Variants in GRM7 observed in about 807,000 individuals in gnomAD.
GRM7 encodes glutamate metabotropic receptor 7, also known as metabotropic glutamate receptor 7.
GRM7 carries 35 observed loss-of-function variants against 84.5 expected under a neutral mutation model. That is an observed-to-expected ratio of 0.41 (90% CI 0.32 to 0.55). The LOEUF (loss-of-function observed/expected upper bound fraction) is 0.55, where lower values mean the gene tolerates loss of function less well. Among genes scored for constraint, GRM7 ranks in the 20% least tolerant of loss-of-function variants. The pLI is 0.19. For missense variants in GRM7, 1,003 were observed against 1,194.6 expected, an observed-to-expected ratio of 0.84 and a Z score of 2.36; for synonymous variants, 487 against 455.1, an observed-to-expected ratio of 1.07 and a Z score of -0.89.
intron 4 of GRM7, among the ~76,000 whole-genome samples, chr3:7,317,289 C>T (rs1700617681): frequency 7.3e-6 from 1 of 137,868 alleles, no homozygotes. Context: ...ATGAGCATAC[C>T]ACAGACCTTA....
At chr3:7,283,663 C>T (rs930016429) in intron 2 of GRM7, among the ~76,000 whole-genome samples, 2 of 152,042 alleles carry the variant, frequency 1.3e-5, no homozygotes, top group Admixed American at 1.3e-4. Context: ...TTATACAGCA[C>T]AAAAATACTT....
At chr3:7,627,409 G>C (rs77569741) in intron 8 of GRM7, among the ~76,000 whole-genome samples, 576 of 152,130 alleles carry the variant, frequency 3.8e-3, no homozygotes, top group Non-Finnish European at 4.9e-3. Flanking sequence ...ATTAAAGTTA[G>C]AAATTTTCAG....
intron 7 of GRM7, among the ~76,000 whole-genome samples, chr3:7,472,885 A>G (rs551021015): frequency 4.6e-5 from 7 of 152,260 alleles, no homozygotes; most frequent in East Asian, 1.9e-4. Context: ...AGATTCCTCA[A>G]TATTTTGTTT....
chr3:7,358,083 C>T (rs1218539375), intron 4 of GRM7, among the ~76,000 whole-genome samples: 1 of 152,066 alleles, frequency 6.6e-6, no homozygotes, highest in Non-Finnish European at 1.5e-5. Context: ...CCAACCCATT[C>T]TAAGAATACA....
At chr3:7,342,672 C>G (rs2125081298) in intron 4 of GRM7, among the ~76,000 whole-genome samples, 1 of 152,256 alleles carries the variant, frequency 6.6e-6, no homozygotes, top group African/African-American at 2.4e-5. Flanking sequence ...GAGAATCTAA[C>G]TCAACATATC....
At chr3:7,382,843 C>G (rs970313182) in intron 4 of GRM7, among the ~76,000 whole-genome samples, 1 of 152,196 alleles carries the variant, frequency 6.6e-6, no homozygotes, top group Non-Finnish European at 1.5e-5. Context: ...GAATGCCAAA[C>G]TACATTGCAC....
At chr3:7,319,100 CTG>C (rs1459120226) in intron 4 of GRM7, among the ~76,000 whole-genome samples, 1 of 151,956 alleles carries the variant, frequency 6.6e-6, no homozygotes, top group African/African-American at 2.4e-5. Context: ...ATATAAGATA[CTG>C]TGCGTGTTTT....
intron 9 of GRM7, among the ~76,000 whole-genome samples, chr3:7,724,167 C>A (rs573268173): frequency 6.6e-6 from 1 of 152,266 alleles, no homozygotes; most frequent in African/African-American, 2.4e-5. Context: ...TAATACGGAA[C>A]CATGCCTGCC....
intron 1 of GRM7, among the ~76,000 whole-genome samples, chr3:6,914,496 G>A (rs1014058278): frequency 2.0e-5 from 3 of 151,712 alleles, no homozygotes; most frequent in Admixed American, 6.6e-5. Flanking sequence ...TCTGCCTCCC[G>A]GGTTCAAGTG....
At chr3:7,574,932 CCTGT>C (rs1219441736) in intron 7 of GRM7, among the ~76,000 whole-genome samples, 5 of 141,604 alleles carry the variant, frequency 3.5e-5, no homozygotes, top group African/African-American at 1.0e-4. Context: ...TTCCAGACAG[CCTGT>C]CTGTCTGAGT....
intron 7 of GRM7, among the ~76,000 whole-genome samples, chr3:7,520,512 TAA>T (rs3065597): frequency 0.38 from 56,840 of 148,820 alleles, 11,667 homozygotes; most frequent in East Asian, 0.52. Flanking sequence ...CTGAAAAAAA[TAA>T]AAAAAAAAAC....
At chr3:7,406,818 A>T (rs951913891) in intron 4 of GRM7, among the ~76,000 whole-genome samples, 1 of 152,230 alleles carries the variant, frequency 6.6e-6, no homozygotes, top group Non-Finnish European at 1.5e-5. Context: ...ACCTTGAAAC[A>T]TGTTGCTAGA....
intron 8 of GRM7, among the ~76,000 whole-genome samples, chr3:7,627,982 TGAGAGACAA>T (rs761832276): frequency 3.5e-4 from 53 of 152,158 alleles, no homozygotes; most frequent in Non-Finnish European, 6.3e-4. Flanking sequence ...ATGAATTGTG[TGAGAGACAA>T]GAGAGACAAA....
rs1699233952 is a variant in GRM7 at position 7,280,989 on chromosome 3, C to T, written c.737-17695C>T. ...GCACCTTCCATGGACACTAAATTTACTCTGAAAAGAAAAAAAATAAAAAGT... is the reference window on the plus strand; with the variant it reads ...GCACCTTCCATGGACACTAAATTTATTCTGAAAAGAAAAAAAATAAAAAGT... On this transcript the variant is annotated intron_variant, in intron 2 of 9. Transcript: ENST00000357716. Among the ~76,000 whole-genome samples, 4 of 152,160 alleles carry T rather than the reference C, an allele frequency of 2.6e-5. No homozygotes were observed. The South Asian group carries it at 8.3e-4, about 32-fold the overall frequency.
At chr3:7,532,312 C>T (rs1701069464) in intron 7 of GRM7, among the ~76,000 whole-genome samples, 1 of 152,208 alleles carries the variant, frequency 6.6e-6, no homozygotes, top group South Asian at 2.1e-4. Flanking sequence ...TGTTATTGGT[C>T]TATTCAGGGA....
intron 2 of GRM7, among the ~76,000 whole-genome samples, chr3:7,213,438 AC>A: frequency 6.6e-6 from 1 of 152,192 alleles, no homozygotes. Context: ...TCTTAATGTT[AC>A]AGACTGAATG....
chr3:7,520,627 T>C lies in GRM7; in HGVS notation c.1516-57795T>C, dbSNP rs1575445410. Among the ~76,000 whole-genome samples, 4 of 152,312 alleles carry C rather than the reference T, an allele frequency of 2.6e-5. 1 individual carries two copies. In the South Asian group the frequency reaches 8.3e-4, roughly 32 times the overall value. On this transcript the variant is annotated intron_variant, in intron 7 of 9. Coordinates refer to ENST00000357716, the MANE Select transcript of GRM7 (RefSeq NM_000844.4). ...TTCTACTATTTATTTCCCTTTTATT[T>C]TGTAAGGTGGATCAGGGTATAGAAG...
intron 2 of GRM7, among the ~76,000 whole-genome samples, chr3:7,199,490 G>A (rs757983429): frequency 6.6e-6 from 1 of 152,238 alleles, no homozygotes; most frequent in African/African-American, 2.4e-5. Context: ...GGAGTATCAT[G>A]CTATGCAGCA....
At chr3:7,465,040 A>G (rs17047386) in intron 7 of GRM7, among the ~76,000 whole-genome samples, 2,858 of 152,124 alleles carry the variant, frequency 0.019, 88 homozygotes, top group African/African-American at 0.065. Context: ...TCCAAATAGC[A>G]CTCAGTTTAA....
Sources: allele counts gnomAD v4.1 joint callset (sites outside exome capture counted in the v4.1 genomes callset), GRCh38; gene constraint gnomAD v4.1.1; transcripts MANE v1.5; gene names NCBI Gene and HGNC (gene_info 2026-07-23, HGNC 2026-07-21).